LMO7: variants seen among roughly 807,000 people sequenced by gnomAD.
LMO7 encodes LIM domain 7.
A neutral mutation model predicts 206.5 loss-of-function variants in LMO7; 120 were observed. The observed-to-expected ratio is 0.58, with a 90% confidence interval of 0.50 to 0.68. The LOEUF is 0.68. Among genes scored for constraint, LMO7 ranks in the 30% least tolerant of loss-of-function variants. LMO7 has a pLI of 0.00. For synonymous variants in LMO7, 706 were observed against 681.5 expected, an observed-to-expected ratio of 1.04 and a Z score of -0.56; for missense variants, 1,959 against 1,957.9, an observed-to-expected ratio of 1.00 and a Z score of -0.01.
At chr13:75,630,509 C>CA (rs915793261) in intron 2 of LMO7, among the ~76,000 whole-genome samples, 5 of 151,986 alleles carry the variant, frequency 3.3e-5, no homozygotes, top group Non-Finnish European at 7.4e-5. Flanking sequence ...ACCGTCTCTA[C>CA]AAAAAATACA....
chr13:75,722,822 A>G (rs764443222), intron 2 of LMO7, among the ~76,000 whole-genome samples: 1 of 152,238 alleles, frequency 6.6e-6, no homozygotes, highest in Non-Finnish European at 1.5e-5. Context: ...TGCATATACC[A>G]TGGAATACTA....
chr13:75,824,739 C>G (rs193188096), intron 15 of LMO7, among the ~76,000 whole-genome samples: 1 of 151,736 alleles, frequency 6.6e-6, no homozygotes, highest in Non-Finnish European at 1.5e-5. Context: ...TCCCTGTTGC[C>G]CTGCAAAACA....
intron 3 of LMO7, among the ~76,000 whole-genome samples, chr13:75,733,414 G>C (rs1048215865): frequency 6.6e-6 from 1 of 152,338 alleles, no homozygotes; most frequent in African/African-American, 2.4e-5. Flanking sequence ...CTCCGTGGGC[G>C]TAGGACCCTC....
intron 11 of LMO7, among the ~76,000 whole-genome samples, chr13:75,816,340 A>G (rs2056986696): frequency 3.9e-5 from 6 of 152,218 alleles, no homozygotes; most frequent in Admixed American, 3.9e-4. Context: ...ACTTCTCCTC[A>G]GTGTTTAGAT....
intron 11 of LMO7, 33 bp downstream of exon 11, chr13:75,809,216 G>C: frequency 6.3e-7 from 1 of 1,590,148 alleles, no homozygotes; most frequent in South Asian, 1.1e-5. Context: ...AAAAATCTGT[G>C]CGTGTTGTTT....
At chr13:75,706,510 A>C (rs1181019484) in intron 1 of LMO7, among the ~76,000 whole-genome samples, 1 of 151,854 alleles carries the variant, frequency 6.6e-6, no homozygotes. Context: ...TGCCCACAGA[A>C]CTGTTAAAAC....
At chr13:75,853,523 A>G (rs2060662063) in intron 28 of LMO7, 135 bp downstream of exon 28, 2 of 776,806 alleles carry the variant, frequency 2.6e-6, no homozygotes, top group Non-Finnish European at 4.0e-6. Flanking sequence ...TTGGTATTCT[A>G]GTATGAAATC....
intron 4 of LMO7, among the ~76,000 whole-genome samples, chr13:75,771,553 A>AATAGAATTTTTAAAG (rs2049695042): frequency 3.9e-5 from 6 of 152,304 alleles, no homozygotes; most frequent in Admixed American, 6.5e-5. Context: ...AGTCTTTAAA[A>AATAGAATTTTTAAAG]ACAGAATTTT....
chr13:75,795,054 T>C (rs1168623629), intron 4 of LMO7, among the ~76,000 whole-genome samples: 1 of 151,498 alleles, frequency 6.6e-6, no homozygotes, highest in Non-Finnish European at 1.5e-5. Flanking sequence ...TCCCCCCTCA[T>C]TGGGTTTAAA....
chr13:75,753,107 C>A (rs2047400111), intron 3 of LMO7, among the ~76,000 whole-genome samples: 1 of 152,104 alleles, frequency 6.6e-6, no homozygotes. Context: ...CATTTTCTGT[C>A]TTTTTAATAA....
At chr13:75,663,271 T>C (rs1227655396) in intron 1 of LMO7, among the ~76,000 whole-genome samples, 1 of 151,776 alleles carries the variant, frequency 6.6e-6, no homozygotes, top group East Asian at 1.9e-4. Context: ...TGTGTGAGGA[T>C]TTTTTTCTAA....
chr13:75,785,448 G>T (rs617686), intron 4 of LMO7, among the ~76,000 whole-genome samples: 138,332 of 152,094 alleles, frequency 0.91, 62,973 homozygotes, highest in South Asian at 0.97. Flanking sequence ...ATGATTGATA[G>T]AAAGTGATTA....
intron 21 of LMO7, 122 bp from the exon 22 acceptor site, chr13:75,840,269 C>G (rs188790208): frequency 7.2e-7 from 1 of 1,380,038 alleles, no homozygotes; most frequent in East Asian, 2.3e-5. Flanking sequence ...AGCCAGCTCT[C>G]CCTTGGTACA....
At chr13:75,742,430 A>G (rs1484846450) in intron 3 of LMO7, among the ~76,000 whole-genome samples, 2 of 152,230 alleles carry the variant, frequency 1.3e-5, no homozygotes, top group Non-Finnish European at 2.9e-5. Flanking sequence ...ATTCTAAGCA[A>G]GAAGAATAAA....
At chr13:75,741,145 A>G (rs1163532904) in intron 3 of LMO7, among the ~76,000 whole-genome samples, 2 of 152,222 alleles carry the variant, frequency 1.3e-5, no homozygotes, top group African/African-American at 2.4e-5. Context: ...CATTGAATAA[A>G]TATTTTTATT....
rs150101933 is a variant in LMO7, at chr13:75,703,451, T to C, written c.70-9731T>C. ...TCATTTGATGCTCAATGCGCTGATATATAGAGAACTACCTACTGGTCTAGG... is the reference window on the plus strand; with the variant it reads ...TCATTTGATGCTCAATGCGCTGATACATAGAGAACTACCTACTGGTCTAGG... On this transcript the variant is annotated intron_variant, in intron 1 of 30. Coordinates refer to ENST00000377534, the MANE Select transcript of LMO7 (RefSeq NM_001306080.2). 4.2e-4 allele frequency among the ~76,000 whole-genome samples: 64 copies of C among 152,284 alleles called. 2 individuals carry two copies. In the East Asian group the frequency reaches 0.011, roughly 25 times the overall value.
At chr13:75,630,814 CTTTTT>C (rs201883927) in intron 2 of LMO7, among the ~76,000 whole-genome samples, 57 of 118,724 alleles carry the variant, frequency 4.8e-4, no homozygotes, top group Non-Finnish European at 7.1e-4. Flanking sequence ...TTTCTTTTTT[CTTTTT>C]TTCTTTTTGT....
At chr13:75,631,365 G>A (rs1277928134), upstream of LMO7, 1 of 152,178 alleles carries the variant, frequency 6.6e-6, no homozygotes, top group Non-Finnish European at 1.5e-5. Context: ...CACTATGGAG[G>A]AACCATAATT....
chr13:75,652,659 ATTTAT>A (rs2037698642), intron 1 of LMO7, among the ~76,000 whole-genome samples: 1 of 117,168 alleles, frequency 8.5e-6, no homozygotes, highest in Non-Finnish European at 1.8e-5. Context: ...GTGTGTGTGT[ATTTAT>A]TTTTAGGTGC....
Sources: gnomAD v4.1 joint callset for allele counts (sites outside exome capture counted in the v4.1 genomes callset) on GRCh38, gnomAD v4.1.1 for gene constraint, MANE v1.5 for transcripts, NCBI Gene and HGNC (gene_info 2026-07-23, HGNC 2026-07-21) for gene names.